HOXC4: variants seen among roughly 807,000 people sequenced by gnomAD.
HOXC4 encodes homeobox protein Hox-C4.
Under a neutral mutation model 25.5 loss-of-function variants are expected in HOXC4, and 15 were observed. That is an observed-to-expected ratio of 0.59 (90% confidence interval 0.39 to 0.91). HOXC4 has a LOEUF of 0.91. HOXC4 is among the 40% of genes least tolerant of loss of function. HOXC4 has a pLI of 0.00. For synonymous variants in HOXC4, 165 were observed against 148.0 expected (o/e 1.11, Z -0.83); for missense variants, 342 against 352.4 (o/e 0.97, Z 0.24).
intron 1 of HOXC4, among the ~76,000 whole-genome samples, chr12:54,038,482 A>G (rs1941222775): frequency 6.6e-6 from 1 of 152,124 alleles, no homozygotes; most frequent in Non-Finnish European, 1.5e-5. Flanking sequence ...GCAGGGAAGG[A>G]GGGTTTTGTG....
intron 1 of HOXC4, chr12:54,028,287 G>T: frequency 2.9e-6 from 1 of 341,860 alleles, no homozygotes; most frequent in Non-Finnish European, 5.3e-6. Context: ...AGAAATCCAA[G>T]TCTTACTTTC....
At chr12:54,033,346 C>G (rs761256129) in intron 1 of HOXC4, 8 of 1,612,916 alleles carry the variant, frequency 5.0e-6, no homozygotes. Context: ...GACCGCCCCG[C>G]CTGCAGCGCC....
chr12:54,055,285 A>AATATAT lies in HOXC4; in HGVS notation c.*102_*107dup, dbSNP rs60894549. 2.5e-3 allele frequency: 570 copies of AATATAT among 228,002 alleles called. No homozygotes were observed. Among genetic ancestry groups the AATATAT allele is most frequent in the African/African-American group, 4.6e-3 (131 of 28,276 alleles). 14.1% of individuals were successfully genotyped at this position (228,002 alleles called of 1,614,324 possible). A position where few individuals can be genotyped will look rare whatever the true frequency, so the allele number is the denominator to read the frequency against. The stretch of plus-strand genomic sequence containing the variant: ...AAATTGACTCTTATTTATAGAATTT[A>AATATAT]ATATATATATATATATATATATATA... On this transcript the variant is annotated 3_prime_UTR_variant, in exon 2 of 2. Coordinates refer to ENST00000430889, the MANE Select transcript of HOXC4 (RefSeq NM_153633.3).
upstream of HOXC4, among the ~76,000 whole-genome samples, chr12:54,049,536 C>T (rs955870742): frequency 1.3e-4 from 13 of 97,954 alleles, 1 homozygote; most frequent in African/African-American, 5.3e-4. Context: ...ATTAACATTC[C>T]ATGATTGCTT....
intron 1 of HOXC4, chr12:54,030,120 G>T (rs756628790): frequency 1.7e-4 from 117 of 682,612 alleles, no homozygotes; most frequent in Non-Finnish European, 2.7e-4. Flanking sequence ...AGTCAGCTCT[G>T]GACCCCCTCC....
intron 1 of HOXC4, among the ~76,000 whole-genome samples, chr12:54,029,092 C>G (rs1015089034): frequency 1.3e-5 from 2 of 151,816 alleles, no homozygotes; most frequent in Non-Finnish European, 2.9e-5. Context: ...GCCTCTCGCT[C>G]GCTTGCAGGG....
At chr12:54,026,895 A>G (rs1263181809) in intron 1 of HOXC4, among the ~76,000 whole-genome samples, 1 of 152,058 alleles carries the variant, frequency 6.6e-6, no homozygotes, top group Non-Finnish European at 1.5e-5. Context: ...GGAAAAGATC[A>G]TAAAATCCGG....
intron 1 of HOXC4, among the ~76,000 whole-genome samples, chr12:54,044,427 G>A (rs1001563060): frequency 6.6e-6 from 1 of 151,950 alleles, no homozygotes; most frequent in Non-Finnish European, 1.5e-5. Flanking sequence ...CAACCCCTCA[G>A]TCACAAAGGA....
intron 1 of HOXC4, among the ~76,000 whole-genome samples, chr12:54,035,940 G>A (rs1329838913): frequency 6.6e-6 from 1 of 152,204 alleles, no homozygotes; most frequent in Non-Finnish European, 1.5e-5. Flanking sequence ...AGGACAATCT[G>A]CAGTGTGTAT....
At chr12:54,038,143 G>A (rs1941218689) in intron 1 of HOXC4, 1 of 152,188 alleles carries the variant, frequency 6.6e-6, no homozygotes, top group African/African-American at 2.4e-5. Flanking sequence ...GCTGGGGTGG[G>A]AGAAGAGAAG....
At position 54,054,911 on chromosome 12, in the gene HOXC4, A is replaced by G; in HGVS notation, c.501A>G (p.Gln167=). 1 of 1,614,074 alleles carries G rather than the reference A, an allele frequency of 6.2e-7. No individual in the cohort carries two copies. Among genetic ancestry groups the G allele is most frequent in the Non-Finnish European group, 8.5e-7 (1 of 1,180,012 alleles). ...CGAGGACAGCCTATACCCGGCAGCA[A>G]GTCCTGGAATTAGAGAAAGAGTTTC... The part of the protein sequence containing the change: ...KRSRTAYTRQ[Q]VLELEKEFHY... Residue 167 remains glutamine, a synonymous_variant, in exon 2 of 2, where the codon CAA becomes CAG. Transcript: ENST00000430889.
At chr12:54,037,555 A>T (rs1056251511) in intron 1 of HOXC4, among the ~76,000 whole-genome samples, 1 of 152,164 alleles carries the variant, frequency 6.6e-6, no homozygotes, top group Admixed American at 6.5e-5. Context: ...GATCAACACG[A>T]CCTCGAAGGC....
chr12:54,023,056 C>A (rs1565737401), intron 1 of HOXC4, among the ~76,000 whole-genome samples: 1 of 152,190 alleles, frequency 6.6e-6, no homozygotes, highest in Admixed American at 6.5e-5. Flanking sequence ...TTGCCCCCCT[C>A]AAGTGTCCCT....
intron 1 of HOXC4, among the ~76,000 whole-genome samples, chr12:54,019,293 C>T (rs372879730): frequency 2.7e-4 from 41 of 151,922 alleles, no homozygotes; most frequent in African/African-American, 9.4e-4. Flanking sequence ...TGGGCCCAGC[C>T]CGCCGCCTGC....
At chr12:54,045,051 G>T (rs1937670890) in intron 1 of HOXC4, among the ~76,000 whole-genome samples, 1 of 152,120 alleles carries the variant, frequency 6.6e-6, no homozygotes, top group Non-Finnish European at 1.5e-5. Flanking sequence ...TGAGTTCCGG[G>T]CCCTCTTAGC....
chr12:54,045,610 T>C (rs893676987), intron 1 of HOXC4, among the ~76,000 whole-genome samples: 2 of 152,200 alleles, frequency 1.3e-5, no homozygotes, highest in African/African-American at 4.8e-5. Flanking sequence ...GAACATATGT[T>C]TAGAGATGGT....
chr12:54,052,612 C>T (rs1937875258), upstream of HOXC4, among the ~76,000 whole-genome samples: 1 of 151,588 alleles, frequency 6.6e-6, no homozygotes, highest in South Asian at 2.1e-4. Flanking sequence ...TTTCCTGGCC[C>T]CCTCCCTCCT....
chr12:54,034,245 C>G (rs776778454), intron 1 of HOXC4: 2 of 1,581,218 alleles, frequency 1.3e-6, no homozygotes, highest in East Asian at 4.5e-5. Flanking sequence ...GCTATTCACC[C>G]CTTCCTGGCT....
intron 1 of HOXC4, chr12:54,017,439 A>G (rs1417039173): frequency 6.7e-6 from 1 of 149,158 alleles, no homozygotes; most frequent in Non-Finnish European, 1.5e-5. Context: ...ATTGGTTCAA[A>G]TATGTAACTA....
Sources: allele counts gnomAD v4.1 joint callset (sites outside exome capture counted in the v4.1 genomes callset), GRCh38; gene constraint gnomAD v4.1.1; transcripts MANE v1.5; gene names NCBI Gene and HGNC (gene_info 2026-07-23, HGNC 2026-07-21).